Variants in SH3RF1 observed in about 807,000 individuals in gnomAD.
SH3RF1 encodes the protein SH3 domain containing ring finger 1, also known as E3 ubiquitin-protein ligase SH3RF1.
Under a neutral mutation model 74.0 loss-of-function variants are expected in SH3RF1, and 32 were observed. The observed-to-expected ratio is 0.43, with a 90% CI of 0.33 to 0.58. The LOEUF (loss-of-function observed/expected upper bound fraction) is 0.58. Among genes scored for constraint, SH3RF1 ranks in the 20% least tolerant of loss-of-function variants. The probability of loss-of-function intolerance (pLI) is 0.05; values close to 1 mark genes in which losing one functional copy is unlikely to be tolerated. For synonymous variants in SH3RF1, 396 were observed against 439.6 expected (o/e 0.90, Z 1.24); for missense variants, 954 against 1,130.9 (o/e 0.84, Z 2.24).
chr4:169,240,823 G>A (rs1232614426), intron 2 of SH3RF1, among the ~76,000 whole-genome samples: 2 of 152,096 alleles, frequency 1.3e-5, no homozygotes, highest in Admixed American at 6.5e-5. Context: ...TATACCGCTT[G>A]TACATAAGCC....
intron 8 of SH3RF1, 104 bp from the exon 9 acceptor site, chr4:169,117,886 T>C (rs1733364585): frequency 7.6e-7 from 1 of 1,312,836 alleles, no homozygotes; most frequent in African/African-American, 1.5e-5. Flanking sequence ...ACATAGAACA[T>C]TTTAAAAAAT....
intron 11 of SH3RF1, among the ~76,000 whole-genome samples, chr4:169,102,741 G>A (rs866915148): frequency 1.5e-3 from 230 of 151,600 alleles, no homozygotes; most frequent in African/African-American, 5.2e-3. Flanking sequence ...GTTTTCTTCA[G>A]TCTCTCTAAC....
At chr4:169,262,173 A>C (rs1315019388) in intron 2 of SH3RF1, among the ~76,000 whole-genome samples, 1 of 152,210 alleles carries the variant, frequency 6.6e-6, no homozygotes, top group Admixed American at 6.5e-5. Context: ...GAATTAGCAA[A>C]TCATTGAATC....
intron 2 of SH3RF1, among the ~76,000 whole-genome samples, chr4:169,188,811 G>A (rs776391701): frequency 1.1e-4 from 17 of 152,330 alleles, no homozygotes; most frequent in Non-Finnish European, 2.2e-4. Context: ...AATTTGGTGC[G>A]TGTGCTTCAA....
chr4:169,217,907 A>C (rs1176616978), intron 2 of SH3RF1, among the ~76,000 whole-genome samples: 1 of 152,126 alleles, frequency 6.6e-6, no homozygotes, highest in Admixed American at 6.5e-5. Flanking sequence ...AGCTTCATTG[A>C]TCTAAGCCAC....
chr4:169,175,441 G>C (rs1734404724), intron 2 of SH3RF1, among the ~76,000 whole-genome samples: 1 of 133,062 alleles, frequency 7.5e-6, no homozygotes, highest in South Asian at 2.5e-4. Flanking sequence ...CACTGGCCTT[G>C]TTGTTGCTTC....
At chr4:169,132,567 T>C (rs1579098439) in intron 5 of SH3RF1, among the ~76,000 whole-genome samples, 1 of 152,166 alleles carries the variant, frequency 6.6e-6, no homozygotes, top group East Asian at 1.9e-4. Flanking sequence ...GGTGAGTATG[T>C]CTAGAATAAA....
chr4:169,102,747 C>A (rs1733060879), intron 11 of SH3RF1, among the ~76,000 whole-genome samples: 1 of 152,040 alleles, frequency 6.6e-6, no homozygotes, highest in African/African-American at 2.4e-5. Flanking sequence ...TTCAGTCTCT[C>A]TAACAAACAC....
chr4:169,190,510 A>G (rs1734683351), intron 2 of SH3RF1, among the ~76,000 whole-genome samples: 1 of 152,056 alleles, frequency 6.6e-6, no homozygotes, highest in Non-Finnish European at 1.5e-5. Context: ...CAACCCTCCT[A>G]GCTTAATCAG....
At chr4:169,193,382 C>G (rs981784907) in intron 2 of SH3RF1, among the ~76,000 whole-genome samples, 5 of 152,144 alleles carry the variant, frequency 3.3e-5, no homozygotes, top group African/African-American at 9.7e-5. Flanking sequence ...AGAAAAGCTG[C>G]AGATGTGTTA....
chr4:169,104,708 C>A (rs868258187), intron 11 of SH3RF1, among the ~76,000 whole-genome samples: 1 of 151,910 alleles, frequency 6.6e-6, no homozygotes, highest in Non-Finnish European at 1.5e-5. Flanking sequence ...TCGAGACCAC[C>A]CTGGCCAAGA....
chr4:169,101,071 A>G (rs1253063724), intron 11 of SH3RF1, among the ~76,000 whole-genome samples: 1 of 152,236 alleles, frequency 6.6e-6, no homozygotes, highest in Non-Finnish European at 1.5e-5. Context: ...CACTTAGCAC[A>G]GTCTACAATG....
intron 2 of SH3RF1, among the ~76,000 whole-genome samples, chr4:169,205,305 C>A (rs958659128): frequency 6.6e-6 from 1 of 152,134 alleles, no homozygotes; most frequent in Non-Finnish European, 1.5e-5. Flanking sequence ...TGAATCAGGT[C>A]AAAATTAACA....
intron 2 of SH3RF1, among the ~76,000 whole-genome samples, chr4:169,219,494 C>T (rs1247228013): frequency 6.6e-6 from 1 of 152,134 alleles, no homozygotes; most frequent in Non-Finnish European, 1.5e-5. Context: ...TATTTCAAAG[C>T]TATCAGAGAT....
chr4:169,160,705 C>T (rs995158650), intron 2 of SH3RF1, among the ~76,000 whole-genome samples: 3 of 152,186 alleles, frequency 2.0e-5, no homozygotes, highest in African/African-American at 7.2e-5. Context: ...AGGCTTCCCA[C>T]ATTAAATAAA....
intron 2 of SH3RF1, among the ~76,000 whole-genome samples, chr4:169,241,964 A>C (rs965087814): frequency 6.6e-6 from 1 of 152,196 alleles, no homozygotes; most frequent in African/African-American, 2.4e-5. Context: ...ATAAAATTTC[A>C]AGTCACTTGA....
chr4:169,120,021 C>A (rs1457165202), intron 8 of SH3RF1, among the ~76,000 whole-genome samples: 1 of 152,170 alleles, frequency 6.6e-6, no homozygotes, highest in African/African-American at 2.4e-5. Flanking sequence ...CAGGGTTTCT[C>A]AACCTCAGTG....
At chr4:169,174,881 C>G (rs975087114) in intron 2 of SH3RF1, among the ~76,000 whole-genome samples, 1 of 152,152 alleles carries the variant, frequency 6.6e-6, no homozygotes, top group Non-Finnish European at 1.5e-5. Flanking sequence ...TCTCCCAGAT[C>G]TAACCTCAGC....
chr4:169,266,376 G>A (rs1446182482), intron 2 of SH3RF1, among the ~76,000 whole-genome samples: 3 of 152,128 alleles, frequency 2.0e-5, no homozygotes, highest in African/African-American at 7.2e-5. Context: ...ACACTTAAGG[G>A]AGGAGGATGC....
Sources: gnomAD v4.1 joint callset for allele counts (sites outside exome capture counted in the v4.1 genomes callset) on GRCh38, gnomAD v4.1.1 for gene constraint, MANE v1.5 for transcripts, NCBI Gene and HGNC (gene_info 2026-07-23, HGNC 2026-07-21) for gene names.